Variants in SYN3 observed in about 807,000 individuals in gnomAD.
SYN3 encodes the protein synapsin III.
In SYN3, 35 loss-of-function variants were observed where a neutral mutation model predicts 65.8. The ratio of observed to expected loss-of-function variants is 0.53; its 90% CI spans 0.41 to 0.70. The LOEUF is 0.70. Ranked by LOEUF, SYN3 falls within the 30% of genes least tolerant of loss-of-function variation. The probability of loss-of-function intolerance (pLI) is 0.00; values close to 1 mark genes in which losing one functional copy is unlikely to be tolerated. For synonymous variants in SYN3, 270 were observed against 292.9 expected, an observed-to-expected ratio of 0.92 and a Z score of 0.80; for missense variants, 680 against 749.0, an observed-to-expected ratio of 0.91 and a Z score of 1.08.
chr22:32,991,338 A>ACATAATAATAAT (rs2052707609), intron 2 of SYN3, among the ~76,000 whole-genome samples: 2 of 142,618 alleles, frequency 1.4e-5, no homozygotes, highest in Non-Finnish European at 1.5e-5. Context: ...ACTCCATCTC[A>ACATAATAATAAT]AATAATAATA....
At chr22:32,956,113 C>A (rs796969114) in intron 3 of SYN3, among the ~76,000 whole-genome samples, 3 of 142,458 alleles carry the variant, frequency 2.1e-5, no homozygotes, top group Non-Finnish European at 3.0e-5. Flanking sequence ...CCGCCCCCCC[C>A]AAAAAATGTT....
intron 2 of SYN3, among the ~76,000 whole-genome samples, chr22:32,987,089 G>T (rs538541887): frequency 6.6e-6 from 1 of 152,250 alleles, no homozygotes; most frequent in Admixed American, 6.5e-5. Context: ...GATCCTGTAT[G>T]TAGAGTTAAC....
chr22:32,849,817 C>T (rs1314295901), intron 6 of SYN3, among the ~76,000 whole-genome samples: 1 of 152,116 alleles, frequency 6.6e-6, no homozygotes, highest in African/African-American at 2.4e-5. Flanking sequence ...GCCTTGTTAG[C>T]TCGTAACCAT....
chr22:32,746,274 G>C (rs1041115164), intron 6 of SYN3, among the ~76,000 whole-genome samples: 4 of 152,186 alleles, frequency 2.6e-5, no homozygotes, highest in Non-Finnish European at 5.9e-5. Flanking sequence ...TTTATGACCA[G>C]CTGGTGCCCT....
chr22:32,721,949 G>A (rs1185220744), intron 6 of SYN3, among the ~76,000 whole-genome samples: 1 of 152,192 alleles, frequency 6.6e-6, no homozygotes, highest in Non-Finnish European at 1.5e-5. Context: ...GTAAAGCCTT[G>A]CAGGCAGGGA....
At chr22:32,696,102 T>C (rs2060732857) in intron 6 of SYN3, among the ~76,000 whole-genome samples, 1 of 152,236 alleles carries the variant, frequency 6.6e-6, no homozygotes, top group Non-Finnish European at 1.5e-5. Context: ...CCAGTGCTGA[T>C]GTTCCTGGTC....
chr22:32,531,413 C>T (rs1460980411), intron 10 of SYN3, among the ~76,000 whole-genome samples: 1 of 152,126 alleles, frequency 6.6e-6, no homozygotes, highest in Non-Finnish European at 1.5e-5. Context: ...ACATTCCCTG[C>T]AGTGGAAAAC....
Position 32,528,071 on chromosome 22 carries a change from C to T in SYN3, c.1231-66G>A, listed in dbSNP as rs1161294778. 6 of 1,245,868 alleles carry T rather than the reference C, an allele frequency of 4.8e-6. No homozygotes were observed. In the East Asian group the frequency reaches 7.7e-5, roughly 16 times the overall value. The allele number at this position is 1,245,868 out of a possible 1,614,324, so 77.2% of individuals were successfully genotyped here. ...GCCCTTTACTTCCTGGGTGAGAGGG[C>T]AGCATTTATGAAGATCTTTTTATCA... On this transcript the variant is annotated intron_variant, in intron 11 of 13. Coordinates refer to ENST00000358763, the MANE Select transcript of SYN3 (RefSeq NM_003490.4).
At chr22:33,012,690 T>C (rs147461445) in intron 1 of SYN3, among the ~76,000 whole-genome samples, 69 of 152,352 alleles carry the variant, frequency 4.5e-4, no homozygotes, top group Admixed American at 3.9e-3. Context: ...CAGTTGATTT[T>C]AGTGGGCACA....
chr22:32,976,049 G>T, intron 3 of SYN3, among the ~76,000 whole-genome samples: 1 of 152,084 alleles, frequency 6.6e-6, no homozygotes, highest in Non-Finnish European at 1.5e-5. Flanking sequence ...ATAAATACGG[G>T]GTCTGAAGTG....
chr22:32,814,162 G>A (rs8142769), intron 6 of SYN3, among the ~76,000 whole-genome samples: 1 of 128,040 alleles, frequency 7.8e-6, no homozygotes, highest in African/African-American at 3.1e-5. Context: ...GAGAGAGAGA[G>A]AGAGAAAGAG....
At chr22:32,833,853 G>A (rs748887784) in intron 6 of SYN3, 1 of 501,162 alleles carries the variant, frequency 2.0e-6, no homozygotes, top group East Asian at 6.5e-5. Context: ...CACTGATCAT[G>A]CATGGAAAGT....
intron 6 of SYN3, among the ~76,000 whole-genome samples, chr22:32,734,734 C>A (rs921343485): frequency 6.6e-6 from 1 of 152,182 alleles, no homozygotes; most frequent in African/African-American, 2.4e-5. Flanking sequence ...CCTCTGGATT[C>A]CACAGGACAT....
At chr22:32,529,941 CCTTT>C (rs1167728823) in intron 10 of SYN3, 4 of 152,412 alleles carry the variant, frequency 2.6e-5, no homozygotes, top group Non-Finnish European at 4.4e-5. Context: ...CTGGCCAACT[CCTTT>C]CATCCAACAG....
intron 7 of SYN3, among the ~76,000 whole-genome samples, chr22:32,557,524 T>C (rs1043288493): frequency 1.3e-5 from 2 of 152,246 alleles, no homozygotes; most frequent in Admixed American, 6.5e-5. Context: ...ACAGTTTACA[T>C]GTATTATCTC....
At chr22:32,656,222 G>T (rs2060140675) in intron 6 of SYN3, among the ~76,000 whole-genome samples, 1 of 152,132 alleles carries the variant, frequency 6.6e-6, no homozygotes, top group African/African-American at 2.4e-5. Context: ...CAGCACAGTG[G>T]TTATGAGTCA....
At chr22:32,762,601 C>G (rs2045512969) in intron 6 of SYN3, among the ~76,000 whole-genome samples, 1 of 149,232 alleles carries the variant, frequency 6.7e-6, no homozygotes, top group Middle Eastern at 3.4e-3. Flanking sequence ...AGGTCACTTC[C>G]TAAAGGGCAT....
intron 6 of SYN3, among the ~76,000 whole-genome samples, chr22:32,615,490 C>T (rs1482119655): frequency 7.1e-6 from 1 of 141,306 alleles, no homozygotes; most frequent in Non-Finnish European, 1.5e-5. Context: ...GAAATGGAGT[C>T]AGGGAGGGAA....
intron 1 of SYN3, among the ~76,000 whole-genome samples, chr22:33,042,584 G>A (rs111851058): frequency 4.6e-4 from 70 of 152,298 alleles, no homozygotes; most frequent in African/African-American, 1.5e-3. Context: ...TCTCGTAACA[G>A]CAAACAGTCT....
Sources: gnomAD v4.1 joint callset for allele counts (sites outside exome capture counted in the v4.1 genomes callset) on GRCh38, gnomAD v4.1.1 for gene constraint, MANE v1.5 for transcripts, NCBI Gene and HGNC (gene_info 2026-07-23, HGNC 2026-07-21) for gene names.